The following CTNNA3 variants were observed in gnomAD, a reference collection of about 807,000 sequenced individuals.
CTNNA3 encodes catenin alpha 3.
CTNNA3 carries 76 observed loss-of-function variants against 95.7 expected under a neutral mutation model. That is an observed-to-expected ratio of 0.79 (90% CI 0.66 to 0.96). CTNNA3 has a LOEUF of 0.96. Ranked by LOEUF, CTNNA3 falls within the 40% of genes least tolerant of loss-of-function variation. CTNNA3 has a pLI of 0.00. For synonymous variants in CTNNA3, 431 were observed against 374.4 expected (o/e 1.15, Z -1.74); for missense variants, 1,191 against 1,089.8 (o/e 1.09, Z -1.31).
At chr10:66,540,959 A>G (rs1000249922) in intron 10 of CTNNA3, among the ~76,000 whole-genome samples, 1 of 152,050 alleles carries the variant, frequency 6.6e-6, no homozygotes, top group Non-Finnish European at 1.5e-5. Flanking sequence ...AGTCTTTTCC[A>G]TATCCACTAT....
intron 5 of CTNNA3, among the ~76,000 whole-genome samples, chr10:67,437,207 G>C (rs1846332350): frequency 6.6e-6 from 1 of 152,144 alleles, no homozygotes; most frequent in Admixed American, 6.6e-5. Flanking sequence ...TATTCTAAGT[G>C]AAGTAACTCA....
chr10:67,411,487 C>G (rs1845365056), intron 5 of CTNNA3, among the ~76,000 whole-genome samples: 1 of 151,946 alleles, frequency 6.6e-6, no homozygotes, highest in Non-Finnish European at 1.5e-5. Flanking sequence ...GTGTAGCAGC[C>G]CATTCCAAAT....
rs576970570 is a variant in CTNNA3 at position 65,976,985 on chromosome 10, CA to C, written c.2266-10240del. On this transcript the variant is annotated intron_variant, in intron 16 of 17. Transcript: ENST00000433211. ...AGTCCTTAAATATGTACAATTTTTA[CA>C]AAAAAAATTAAATTTAAAAACATCG... is the stretch of plus-strand genomic sequence containing the variant. Among the ~76,000 whole-genome samples the C allele has an allele frequency of 3.0e-4, 45 of 151,816 alleles. No homozygotes were observed. In the South Asian group the frequency reaches 8.1e-3, roughly 27 times the overall value.
At chr10:66,313,630 T>C (rs1455451990) in intron 12 of CTNNA3, among the ~76,000 whole-genome samples, 1 of 152,190 alleles carries the variant, frequency 6.6e-6, no homozygotes, top group African/African-American at 2.4e-5. Context: ...TACTACTGTT[T>C]GCATGAGTAG....
intron 9 of CTNNA3, among the ~76,000 whole-genome samples, chr10:66,670,683 C>T (rs191189824): frequency 8.2e-4 from 125 of 152,198 alleles, no homozygotes; most frequent in Non-Finnish European, 1.3e-3. Flanking sequence ...TTTCTTTAAA[C>T]GTCAATGATT....
At chr10:66,788,177 C>T (rs1254146493) in intron 7 of CTNNA3, among the ~76,000 whole-genome samples, 3 of 152,082 alleles carry the variant, frequency 2.0e-5, no homozygotes, top group Admixed American at 6.6e-5. Context: ...AAGTGTTAGA[C>T]TTTTATTTCT....
chr10:66,033,200 G>A (rs2079485622), intron 15 of CTNNA3, among the ~76,000 whole-genome samples: 1 of 143,136 alleles, frequency 7.0e-6, no homozygotes, highest in Non-Finnish European at 1.5e-5. Flanking sequence ...GCGCTATCTC[G>A]GCTCACTGCA....
At chr10:66,485,416 T>A (rs945397900) in intron 11 of CTNNA3, among the ~76,000 whole-genome samples, 1 of 152,032 alleles carries the variant, frequency 6.6e-6, no homozygotes, top group South Asian at 2.1e-4. Flanking sequence ...AAAATCAATA[T>A]ACAAAAATTA....
chr10:67,664,609 T>C (rs1314193289), intron 1 of CTNNA3, among the ~76,000 whole-genome samples: 1 of 152,162 alleles, frequency 6.6e-6, no homozygotes. Context: ...CTGTTTTATA[T>C]CCCACACTTG....
chr10:66,796,480 A>C (rs529828812), intron 7 of CTNNA3, among the ~76,000 whole-genome samples: 5 of 152,088 alleles, frequency 3.3e-5, no homozygotes, highest in Non-Finnish European at 7.4e-5. Flanking sequence ...ATCGCTGATC[A>C]CAGACCACTG....
At chr10:67,037,377 A>G (rs1197383776) in intron 7 of CTNNA3, among the ~76,000 whole-genome samples, 1 of 128,938 alleles carries the variant, frequency 7.8e-6, no homozygotes, top group Admixed American at 7.8e-5. Context: ...CTAAAAAAAA[A>G]AAAGAAAAAA....
intron 5 of CTNNA3, among the ~76,000 whole-genome samples, chr10:67,342,937 C>T (rs937297305): frequency 1.3e-5 from 2 of 151,948 alleles, no homozygotes; most frequent in Non-Finnish European, 2.9e-5. Context: ...TGTTCTGGCT[C>T]TTTCGTGGTT....
At chr10:66,395,752 C>T (rs1259333857) in intron 11 of CTNNA3, among the ~76,000 whole-genome samples, 2 of 151,920 alleles carry the variant, frequency 1.3e-5, no homozygotes, top group South Asian at 2.1e-4. Flanking sequence ...AGTAATTGTT[C>T]TCTTAAGAGT....
At chr10:66,087,083 C>T (rs2081012513) in intron 14 of CTNNA3, among the ~76,000 whole-genome samples, 1 of 152,014 alleles carries the variant, frequency 6.6e-6, no homozygotes, top group Non-Finnish European at 1.5e-5. Flanking sequence ...GCCACATGTG[C>T]AGGTGTCATG....
At chr10:66,692,840 G>T (rs976962276) in intron 9 of CTNNA3, among the ~76,000 whole-genome samples, 100 of 152,202 alleles carry the variant, frequency 6.6e-4, no homozygotes, top group Non-Finnish European at 1.1e-3. Flanking sequence ...TTTCAACCCA[G>T]AATTTCATAT....
intron 7 of CTNNA3, among the ~76,000 whole-genome samples, chr10:66,914,450 G>A (rs545816192): frequency 7.9e-5 from 12 of 151,380 alleles, no homozygotes; most frequent in South Asian, 6.3e-4. Flanking sequence ...AATCTTAACC[G>A]TAGAGAAACG....
intron 5 of CTNNA3, among the ~76,000 whole-genome samples, chr10:67,402,918 T>A (rs1006025610): frequency 1.3e-5 from 2 of 152,162 alleles, no homozygotes; most frequent in African/African-American, 2.4e-5. Context: ...GGGGGCCGAA[T>A]CCAGGGAGCT....
At chr10:66,305,834 T>G (rs758371615) in intron 12 of CTNNA3, among the ~76,000 whole-genome samples, 1 of 152,182 alleles carries the variant, frequency 6.6e-6, no homozygotes, top group Non-Finnish European at 1.5e-5. Flanking sequence ...AGTTAAGTAC[T>G]TAATAAAGGC....
intron 13 of CTNNA3, among the ~76,000 whole-genome samples, chr10:66,153,366 T>C (rs765756722): frequency 6.6e-6 from 1 of 151,980 alleles, no homozygotes. Context: ...TCCAAGTCAT[T>C]ATTTCTGCAT....
Sources: allele counts gnomAD v4.1 joint callset (sites outside exome capture counted in the v4.1 genomes callset), GRCh38; gene constraint gnomAD v4.1.1; transcripts MANE v1.5; gene names NCBI Gene and HGNC (gene_info 2026-07-23, HGNC 2026-07-21).